The following ROBO2 variants were observed in gnomAD, a reference collection of about 807,000 sequenced individuals.
ROBO2 encodes roundabout guidance receptor 2, also known as roundabout homolog 2.
In ROBO2, 53 loss-of-function variants were observed where a neutral mutation model predicts 160.8. The observed-to-expected ratio is 0.33, with a 90% CI of 0.26 to 0.41. The LOEUF (loss-of-function observed/expected upper bound fraction) is 0.41, where lower values mean the gene tolerates loss of function less well. Among genes scored for constraint, ROBO2 ranks in the 10% least tolerant of loss-of-function variants. The pLI is 1.00. For synonymous variants in ROBO2, 664 were observed against 611.7 expected (o/e 1.09, Z -1.26); for missense variants, 1,577 against 1,722.4 (o/e 0.92, Z 1.49).
intron 19 of ROBO2, 28 bp downstream of exon 20, chr3:77,596,778 A>C (rs1280760424): frequency 6.3e-7 from 1 of 1,596,342 alleles, no homozygotes; most frequent in Admixed American, 1.7e-5. Context: ...AAATAGTGTT[A>C]TTTGAGTTCT....
intron 24 of ROBO2, among the ~76,000 whole-genome samples, chr3:77,641,364 G>C (rs889247856): frequency 2.0e-5 from 3 of 152,208 alleles, no homozygotes; most frequent in Non-Finnish European, 2.9e-5. Flanking sequence ...ATGCAGATTA[G>C]TATCACTTTG....
At chr3:76,141,380 ACCTCAG>A (rs2071663973) in intron 2 of ROBO2, among the ~76,000 whole-genome samples, 1 of 150,260 alleles carries the variant, frequency 6.7e-6, no homozygotes, top group Non-Finnish European at 1.5e-5. Flanking sequence ...CTTGACTCAA[ACCTCAG>A]CATCACGCAA....
intron 2 of ROBO2, among the ~76,000 whole-genome samples, chr3:77,190,742 G>T (rs1579812325): frequency 1.3e-5 from 2 of 151,942 alleles, no homozygotes; most frequent in East Asian, 1.9e-4. Context: ...GTTTTATTTA[G>T]TGCCTGGACT....
chr3:76,133,072 G>A (rs1361874339), intron 2 of ROBO2, among the ~76,000 whole-genome samples: 2 of 151,944 alleles, frequency 1.3e-5, no homozygotes, highest in East Asian at 3.9e-4. Context: ...ATAATACTGG[G>A]AACATAGTAA....
At chr3:77,084,409 T>G (rs2069042031) in intron 1 of ROBO2, among the ~76,000 whole-genome samples, 1 of 152,158 alleles carries the variant, frequency 6.6e-6, no homozygotes, top group South Asian at 2.1e-4. Flanking sequence ...AAAGGCAACT[T>G]CCTACATTTT....
intron 2 of ROBO2, among the ~76,000 whole-genome samples, chr3:77,201,013 C>G (rs1275551987): frequency 6.6e-6 from 1 of 152,184 alleles, no homozygotes; most frequent in Non-Finnish European, 1.5e-5. Flanking sequence ...TGCTCCTGTT[C>G]TTTCTAGTTA....
At chr3:76,997,209 A>G (rs1308026837) in intron 2 of ROBO2, among the ~76,000 whole-genome samples, 1 of 152,174 alleles carries the variant, frequency 6.6e-6, no homozygotes, top group African/African-American at 2.4e-5. Flanking sequence ...ATTTTAATCT[A>G]TATTGCTCAC....
rs1553690641 is a variant in ROBO2, at chr3:77,598,527, G to GTGTATATA, written c.2854+1778_2854+1779insGTATATAT. Among the ~76,000 whole-genome samples, 396 of 139,982 alleles carry GTGTATATA rather than the reference G, an allele frequency of 2.8e-3. 3 individuals are homozygous for GTGTATATA. The highest frequency in any genetic ancestry group is 5.2e-3 in the East Asian group (25 of 4,832). The allele number at this position is 139,982 out of a possible 152,430, so 91.8% of individuals were successfully genotyped here. On this transcript the variant is annotated intron_variant, in intron 19 of 25. Transcript: ENST00000461745. ...TACGCACACACATATATATATATGT[G>GTGTATATA]TATATATATATATATCCCAAAGCTT... is the stretch of plus-strand genomic sequence containing the variant.
intron 2 of ROBO2, among the ~76,000 whole-genome samples, chr3:76,873,169 C>A (rs1225237257): frequency 2.0e-5 from 3 of 152,032 alleles, no homozygotes; most frequent in Non-Finnish European, 4.4e-5. Context: ...TAATAAATGT[C>A]ACATTACAAT....
chr3:77,100,438 A>C (rs1316261582), intron 2 of ROBO2, among the ~76,000 whole-genome samples: 1 of 152,156 alleles, frequency 6.6e-6, no homozygotes, highest in East Asian at 1.9e-4. Context: ...AAAACATATT[A>C]ATATGGAAAT....
chr3:76,444,276 C>T (rs1238110765), intron 2 of ROBO2, among the ~76,000 whole-genome samples: 3 of 151,968 alleles, frequency 2.0e-5, no homozygotes, highest in East Asian at 1.9e-4. Flanking sequence ...CTGCGCCTGT[C>T]CTAAAAATTA....
chr3:77,005,141 C>A (rs550381300), intron 2 of ROBO2, among the ~76,000 whole-genome samples: 1 of 152,304 alleles, frequency 6.6e-6, no homozygotes, highest in African/African-American at 2.4e-5. Flanking sequence ...ACCGCTCAGA[C>A]CTTGTCAAAC....
At chr3:76,584,036 A>G (rs766197039) in intron 2 of ROBO2, among the ~76,000 whole-genome samples, 5 of 152,074 alleles carry the variant, frequency 3.3e-5, no homozygotes, top group Non-Finnish European at 7.4e-5. Flanking sequence ...GCCTTCTTCA[A>G]ACTCTCCTCC....
intron 2 of ROBO2, among the ~76,000 whole-genome samples, chr3:76,848,294 C>A (rs1364941116): frequency 6.6e-6 from 1 of 152,068 alleles, no homozygotes; most frequent in Non-Finnish European, 1.5e-5. Flanking sequence ...GGCATACTGG[C>A]GAAGGATGCT....
At chr3:76,045,727 C>A (rs2067425675) in intron 2 of ROBO2, among the ~76,000 whole-genome samples, 1 of 151,936 alleles carries the variant, frequency 6.6e-6, no homozygotes, top group African/African-American at 2.4e-5. Context: ...CAATATTTTG[C>A]CACAGGTTTA....
chr3:77,224,692 T>G (rs2086262215), intron 2 of ROBO2, among the ~76,000 whole-genome samples: 1 of 151,898 alleles, frequency 6.6e-6, no homozygotes, highest in Admixed American at 6.6e-5. Context: ...AGAACTAAAC[T>G]CCTCAAATGA....
intron 2 of ROBO2, among the ~76,000 whole-genome samples, chr3:76,709,176 A>G (rs2093236152): frequency 6.6e-6 from 1 of 152,226 alleles, no homozygotes; most frequent in Admixed American, 6.5e-5. Context: ...TTAGATATGC[A>G]TTCCCCAAGG....
intron 2 of ROBO2, among the ~76,000 whole-genome samples, chr3:76,346,925 C>T (rs191168425): frequency 3.3e-5 from 5 of 152,234 alleles, no homozygotes; most frequent in Non-Finnish European, 7.4e-5. Context: ...TAATGATATA[C>T]TCCCTAATGT....
At chr3:77,315,612 T>G (rs1031560999) in intron 2 of ROBO2, among the ~76,000 whole-genome samples, 3 of 152,182 alleles carry the variant, frequency 2.0e-5, no homozygotes, top group Non-Finnish European at 4.4e-5. Flanking sequence ...CAACTGCTAG[T>G]GAAAGATTTT....
Sources: gnomAD v4.1 joint callset for allele counts (sites outside exome capture counted in the v4.1 genomes callset) on GRCh38, gnomAD v4.1.1 for gene constraint, MANE v1.5 for transcripts, NCBI Gene and HGNC (gene_info 2026-07-23, HGNC 2026-07-21) for gene names.